ESRRG: variants seen among roughly 807,000 people sequenced by gnomAD.
ESRRG encodes estrogen-related receptor gamma.
A neutral mutation model predicts 44.0 loss-of-function variants in ESRRG; 13 were observed. That is an observed-to-expected ratio of 0.30 (90% CI 0.19 to 0.47). ESRRG has a LOEUF of 0.47. ESRRG is among the 20% of genes least tolerant of loss of function. The pLI, the probability that ESRRG is intolerant of heterozygous loss-of-function variation, is 1.00. For missense variants in ESRRG, 395 were observed against 580.6 expected, an observed-to-expected ratio of 0.68 and a Z score of 3.29; for synonymous variants, 215 against 214.6, an observed-to-expected ratio of 1.00 and a Z score of -0.02.
At chr1:216,554,490 G>C in intron 5 of ESRRG, among the ~76,000 whole-genome samples, 1 of 151,326 alleles carries the variant, frequency 6.6e-6, no homozygotes, top group East Asian at 1.9e-4. Flanking sequence ...ACTCATTTGA[G>C]CTGAGTGCAG....
At chr1:216,675,142 C>T (rs2075867762) in intron 2 of ESRRG, among the ~76,000 whole-genome samples, 1 of 152,076 alleles carries the variant, frequency 6.6e-6, no homozygotes, top group East Asian at 2.0e-4. Context: ...GGGTGGATCA[C>T]GTGAGGTCGG....
chr1:216,883,534 G>T (rs186871118), intron 2 of ESRRG, among the ~76,000 whole-genome samples: 1 of 152,174 alleles, frequency 6.6e-6, no homozygotes, highest in East Asian at 1.9e-4. Flanking sequence ...CTTCGATGGG[G>T]CCATAAAGCT....
At chr1:216,675,591 A>C (rs2151467321) in intron 2 of ESRRG, among the ~76,000 whole-genome samples, 1 of 152,286 alleles carries the variant, frequency 6.6e-6, no homozygotes, top group South Asian at 2.1e-4. Flanking sequence ...TCAGTGGTGA[A>C]TCAGCAGTAG....
At chr1:216,960,418 CTTTGT>C (rs1365664644) in intron 1 of ESRRG, among the ~76,000 whole-genome samples, 2 of 152,106 alleles carry the variant, frequency 1.3e-5, no homozygotes, top group South Asian at 2.1e-4. Flanking sequence ...CATATCATTC[CTTTGT>C]TTTAATTAGA....
intron 2 of ESRRG, among the ~76,000 whole-genome samples, chr1:216,781,578 C>G (rs1274233741): frequency 2.0e-5 from 3 of 151,980 alleles, no homozygotes; most frequent in African/African-American, 4.8e-5. Flanking sequence ...TTCAAGAGAG[C>G]TTATATCTTA....
chr1:217,004,286 A>G (rs1560439721), intron 1 of ESRRG, among the ~76,000 whole-genome samples: 1 of 152,294 alleles, frequency 6.6e-6, no homozygotes, highest in South Asian at 2.1e-4. Flanking sequence ...TTGAATTGTA[A>G]TAATACCCAG....
At chr1:216,953,191 C>T (rs186952341) in intron 1 of ESRRG, among the ~76,000 whole-genome samples, 15 of 152,244 alleles carry the variant, frequency 9.9e-5, no homozygotes, top group African/African-American at 3.6e-4. Flanking sequence ...CCATCCATCT[C>T]GTTCACACTA....
intron 2 of ESRRG, among the ~76,000 whole-genome samples, chr1:216,853,004 G>A (rs1352015443): frequency 6.6e-6 from 1 of 152,150 alleles, no homozygotes; most frequent in Non-Finnish European, 1.5e-5. Context: ...AGTGCTTCTA[G>A]CCTGCATCTC....
intron 5 of ESRRG, among the ~76,000 whole-genome samples, chr1:216,549,908 T>C (rs943801010): frequency 3.3e-5 from 5 of 152,082 alleles, no homozygotes; most frequent in Non-Finnish European, 7.4e-5. Flanking sequence ...ATATAGAAGA[T>C]TGGAGCTGGC....
intron 1 of ESRRG, among the ~76,000 whole-genome samples, chr1:216,686,415 T>C (rs1458038275): frequency 2.1e-5 from 3 of 146,146 alleles, no homozygotes; most frequent in African/African-American, 7.7e-5. Context: ...GGATTTATTT[T>C]GTAGCATGAC....
chr1:216,895,077 A>G (rs2058261422), intron 2 of ESRRG, among the ~76,000 whole-genome samples: 1 of 152,172 alleles, frequency 6.6e-6, no homozygotes, highest in Non-Finnish European at 1.5e-5. Context: ...CATGCCAGAA[A>G]TATGCTTTTT....
At chr1:216,773,071 G>C (rs1038961468) in intron 2 of ESRRG, among the ~76,000 whole-genome samples, 1 of 152,020 alleles carries the variant, frequency 6.6e-6, no homozygotes, top group African/African-American at 2.4e-5. Flanking sequence ...GACCATTCGG[G>C]TAGGCAGAGA....
At chr1:216,586,582 T>TC (rs1491182943) in intron 3 of ESRRG, among the ~76,000 whole-genome samples, 119 of 114,742 alleles carry the variant, frequency 1.0e-3, no homozygotes, top group Middle Eastern at 4.5e-3. Flanking sequence ...ACTTTTGGGC[T>TC]TTTTTTTTTT....
intron 3 of ESRRG, among the ~76,000 whole-genome samples, chr1:216,641,943 G>A (rs2066516756): frequency 6.6e-6 from 1 of 152,196 alleles, no homozygotes; most frequent in Admixed American, 6.5e-5. Context: ...GACATTAAGT[G>A]AAGAATTCAA....
chr1:216,576,426 T>C (rs2149737340), intron 3 of ESRRG, among the ~76,000 whole-genome samples: 1 of 151,890 alleles, frequency 6.6e-6, no homozygotes, highest in East Asian at 1.9e-4. Context: ...ACAGATGAAT[T>C]AACAATTAGC....
intron 3 of ESRRG, among the ~76,000 whole-genome samples, chr1:216,647,151 C>T (rs78950338): frequency 2.0e-5 from 3 of 151,906 alleles, no homozygotes; most frequent in African/African-American, 4.8e-5. Flanking sequence ...TATAGGTGCA[C>T]CTTGATTAGT....
chr1:216,656,573 C>T (rs914180085), intron 2 of ESRRG, among the ~76,000 whole-genome samples: 7 of 152,092 alleles, frequency 4.6e-5, no homozygotes, highest in Non-Finnish European at 7.3e-5. Context: ...CAGCCTGGAG[C>T]GCCAGTGGAT....
At chr1:216,934,111 G>A (rs1300782556) in intron 2 of ESRRG, among the ~76,000 whole-genome samples, 3 of 152,124 alleles carry the variant, frequency 2.0e-5, no homozygotes, top group South Asian at 4.1e-4. Context: ...TGATATTTGT[G>A]TATTAGTCTG....
intron 5 of ESRRG, among the ~76,000 whole-genome samples, chr1:216,536,613 T>C (rs1168469068): frequency 6.6e-6 from 1 of 152,122 alleles, no homozygotes; most frequent in Non-Finnish European, 1.5e-5. Flanking sequence ...GGTTTCTCTC[T>C]GTGAGGTCCA....
Sources: allele counts gnomAD v4.1 joint callset (sites outside exome capture counted in the v4.1 genomes callset), GRCh38; gene constraint gnomAD v4.1.1; transcripts MANE v1.5; gene names NCBI Gene and HGNC (gene_info 2026-07-23, HGNC 2026-07-21).